The following CALN1 variants were observed in gnomAD, a reference collection of about 807,000 sequenced individuals.
CALN1 encodes the protein calcium-binding protein 8.
In CALN1, 17 loss-of-function variants were observed where a neutral mutation model predicts 30.6. The observed-to-expected ratio is 0.56, with a 90% CI of 0.38 to 0.83. The LOEUF (loss-of-function observed/expected upper bound fraction) is 0.83, where lower values mean the gene tolerates loss of function less well. Among genes scored for constraint, CALN1 ranks in the 40% least tolerant of loss-of-function variants. CALN1 has a pLI of 0.00. For missense variants in CALN1, 291 were observed against 354.9 expected (o/e 0.82, Z 1.45); for synonymous variants, 156 against 131.4 (o/e 1.19, Z -1.28).
At chr7:72,324,743 G>A (rs1019432598) in intron 2 of CALN1, among the ~76,000 whole-genome samples, 8 of 151,702 alleles carry the variant, frequency 5.3e-5, no homozygotes, top group East Asian at 1.9e-4. Context: ...CACCACACCC[G>A]GCTAATTTTT....
At chr7:72,331,207 G>A (rs759322419) in intron 2 of CALN1, among the ~76,000 whole-genome samples, 16 of 152,114 alleles carry the variant, frequency 1.1e-4, no homozygotes, top group East Asian at 9.7e-4. Flanking sequence ...AAAATTAGCC[G>A]GGCATGGTGG....
At chr7:72,244,153 A>G (rs1346788670) in intron 3 of CALN1, among the ~76,000 whole-genome samples, 1 of 152,246 alleles carries the variant, frequency 6.6e-6, no homozygotes, top group Non-Finnish European at 1.5e-5. Flanking sequence ...AAAAGAACCT[A>G]AAGTTACGTT....
At chr7:72,010,834 AAAAAGAAAAAG>A (rs1344939607) in intron 5 of CALN1, among the ~76,000 whole-genome samples, 1 of 146,422 alleles carries the variant, frequency 6.8e-6, no homozygotes, top group African/African-American at 2.7e-5. Context: ...AAAAGAAAAG[AAAAAGAAAAAG>A]AAAAGAAAAG....
intron 5 of CALN1, among the ~76,000 whole-genome samples, chr7:71,915,690 CT>C (rs1358528171): frequency 2.0e-5 from 3 of 152,122 alleles, no homozygotes; most frequent in Admixed American, 2.0e-4. Flanking sequence ...GCCAAGATCG[CT>C]GCATTGCACT....
In CALN1 at chr7:72,257,076, A is replaced by G. The variant is rs147192508; in HGVS notation, c.244+21610T>C. On this transcript the variant is annotated intron_variant, in intron 3 of 6. Coordinates refer to ENST00000395275, the MANE Select transcript of CALN1 (RefSeq NM_031468.4). The stretch of plus-strand genomic sequence containing the variant: ...CATATGGCTGGGGAGGCCTCAAGAA[A>G]CTTACAATCATGGCAGAAAGAGAAG... 2.4e-3 allele frequency among the ~76,000 whole-genome samples: 368 copies of G among 152,290 alleles called. 3 individuals carry two copies. The highest frequency in any genetic ancestry group is 0.017 in the Middle Eastern group (5 of 294).
At chr7:71,857,223 C>T (rs1791010119) in intron 5 of CALN1, among the ~76,000 whole-genome samples, 1 of 152,118 alleles carries the variant, frequency 6.6e-6, no homozygotes, top group South Asian at 2.1e-4. Context: ...AATAATCTCA[C>T]AAATGGGCTA....
intron 5 of CALN1, among the ~76,000 whole-genome samples, chr7:71,990,775 C>T (rs1372918201): frequency 6.6e-6 from 1 of 152,064 alleles, no homozygotes; most frequent in Non-Finnish European, 1.5e-5. Context: ...TTCTTAATAA[C>T]GTTATTTTAC....
At chr7:72,474,001 G>A in the CALN1 span, among the ~76,000 whole-genome samples, 2 of 151,498 alleles carry the variant, frequency 1.3e-5, no homozygotes, top group African/African-American at 4.8e-5. Flanking sequence ...GAGGAACTGA[G>A]TATTTTGAAA....
upstream of CALN1, among the ~76,000 whole-genome samples, chr7:72,449,714 A>T (rs192599330): frequency 5.6e-3 from 854 of 151,874 alleles, 6 homozygotes; most frequent in South Asian, 0.019. Context: ...CTACTAAAAA[A>T]ACACAAAAAA....
chr7:72,229,538 C>G (rs1585217663), intron 3 of CALN1, among the ~76,000 whole-genome samples: 1 of 152,094 alleles, frequency 6.6e-6, no homozygotes, highest in East Asian at 1.9e-4. Context: ...AATCCAAATG[C>G]CCATCAATGA....
intron 5 of CALN1, among the ~76,000 whole-genome samples, chr7:71,913,259 G>T (rs1007698417): frequency 6.6e-6 from 1 of 152,184 alleles, no homozygotes; most frequent in East Asian, 1.9e-4. Context: ...AATTCTAGCA[G>T]TAAGTCACTT....
At chr7:72,125,804 T>TTC (rs1437919221) in intron 3 of CALN1, among the ~76,000 whole-genome samples, 1 of 87,610 alleles carries the variant, frequency 1.1e-5, no homozygotes, top group Non-Finnish European at 2.1e-5. Context: ...TCATTCTTTT[T>TTC]TTTTTTTTTT....
chr7:72,273,523 T>TTC (rs1554346651), intron 3 of CALN1, among the ~76,000 whole-genome samples: 6 of 141,948 alleles, frequency 4.2e-5, no homozygotes, highest in African/African-American at 1.1e-4. Context: ...TTTTTTTTCT[T>TTC]CCCCCTAGAG....
intron 6 of CALN1, among the ~76,000 whole-genome samples, chr7:71,790,360 AAAGAAAGAAAAGAAAGAAAGAAAG>A (rs1562779907): frequency 6.9e-5 from 6 of 86,870 alleles, no homozygotes; most frequent in African/African-American, 2.5e-4. Context: ...AGAAAGAAAG[AAAGAAAGAAAAGAAAGAAAGAAAG>A]AAAGAAAGAA....
chr7:72,398,948 TAG>T (rs1562948152), intron 2 of CALN1, among the ~76,000 whole-genome samples: 1 of 152,238 alleles, frequency 6.6e-6, no homozygotes, highest in Non-Finnish European at 1.5e-5. Context: ...TTCCTCCTGC[TAG>T]AGTGTCCTTT....
intron 3 of CALN1, among the ~76,000 whole-genome samples, chr7:72,131,790 C>G (rs77160527): frequency 6.6e-6 from 1 of 152,184 alleles, no homozygotes; most frequent in South Asian, 2.1e-4. Flanking sequence ...CCTTCCCACT[C>G]AACCCAACTA....
intron 2 of CALN1, among the ~76,000 whole-genome samples, chr7:72,379,008 A>C (rs1476880739): frequency 1.3e-5 from 2 of 152,152 alleles, no homozygotes; most frequent in African/African-American, 4.8e-5. Flanking sequence ...TTGATTTTAG[A>C]ATGTTAAACC....
At chr7:72,348,500 G>A (rs1011462413) in intron 2 of CALN1, among the ~76,000 whole-genome samples, 1 of 152,204 alleles carries the variant, frequency 6.6e-6, no homozygotes, top group African/African-American at 2.4e-5. Context: ...TTTTTATAAC[G>A]ATTTAAGTTC....
At chr7:72,495,361 A>T in the CALN1 span, among the ~76,000 whole-genome samples, 1 of 152,212 alleles carries the variant, frequency 6.6e-6, no homozygotes, top group Non-Finnish European at 1.5e-5. Context: ...AGGCTGGGTC[A>T]GTTCCTCCTC....
Sources: gnomAD v4.1 joint callset for allele counts (sites outside exome capture counted in the v4.1 genomes callset) on GRCh38, gnomAD v4.1.1 for gene constraint, MANE v1.5 for transcripts, NCBI Gene and HGNC (gene_info 2026-07-23, HGNC 2026-07-21) for gene names.